SNX29: variants seen among roughly 807,000 people sequenced by gnomAD.
The protein encoded by SNX29 is sorting nexin-29.
In SNX29, 78 loss-of-function variants were observed where a neutral mutation model predicts 102.1. The observed-to-expected ratio is 0.76, with a 90% CI of 0.64 to 0.92. SNX29 has a LOEUF of 0.92. Ranked by LOEUF, SNX29 falls within the 40% of genes least tolerant of loss-of-function variation. The pLI, the probability that SNX29 is intolerant of heterozygous loss-of-function variation, is 0.00. For synonymous variants in SNX29, 580 were observed against 414.5 expected, an observed-to-expected ratio of 1.40 and a Z score of -4.85; for missense variants, 1,280 against 1,061.7, an observed-to-expected ratio of 1.21 and a Z score of -2.86.
At chr16:12,184,535 A>C (rs2076466506) in intron 13 of SNX29, among the ~76,000 whole-genome samples, 1 of 152,206 alleles carries the variant, frequency 6.6e-6, no homozygotes, top group Non-Finnish European at 1.5e-5. Context: ...CTTGTAAATA[A>C]ATGGCATCCA....
chr16:12,118,792 A>C (rs962887396), intron 11 of SNX29, among the ~76,000 whole-genome samples: 3 of 152,038 alleles, frequency 2.0e-5, no homozygotes, highest in Non-Finnish European at 2.9e-5. Flanking sequence ...GGATGCTCGG[A>C]CTGTCTGTGG....
intron 18 of SNX29, among the ~76,000 whole-genome samples, chr16:12,448,996 T>C (rs971641183): frequency 6.6e-6 from 1 of 152,166 alleles, no homozygotes; most frequent in Non-Finnish European, 1.5e-5. Flanking sequence ...CAGGTTTGCA[T>C]TGAGGAAGAA....
chr16:12,225,174 T>C (rs1181384825), intron 14 of SNX29, among the ~76,000 whole-genome samples: 1 of 152,220 alleles, frequency 6.6e-6, no homozygotes, highest in East Asian at 1.9e-4. Flanking sequence ...GCCTTTGATA[T>C]TATCTTTTGA....
intron 18 of SNX29, among the ~76,000 whole-genome samples, chr16:12,454,598 GAAGA>G (rs1455073361): frequency 1.3e-5 from 2 of 152,188 alleles, no homozygotes; most frequent in African/African-American, 2.4e-5. Flanking sequence ...AAAATAACCC[GAAGA>G]GAGAGGTGAG....
chr16:12,203,318 C>T (rs866629660), intron 14 of SNX29, among the ~76,000 whole-genome samples: 1 of 151,680 alleles, frequency 6.6e-6, no homozygotes, highest in Non-Finnish European at 1.5e-5. Context: ...GAGGTGACAG[C>T]TCTGAAGTTG....
In SNX29 at chr16:12,552,052, T is replaced by C. The variant is rs557356954; in HGVS notation, c.2319-16454T>C. On this transcript the variant is annotated intron_variant, in intron 20 of 20. Coordinates refer to ENST00000566228, the MANE Select transcript of SNX29 (RefSeq NM_032167.5). ...GTCCAGGCTCAGATGGGAAGGATTT[T>C]TGGGGCACTGAATCTCTGTCTCAAT... Among the ~76,000 whole-genome samples, 8 of 151,226 alleles carry C rather than the reference T, an allele frequency of 5.3e-5. No individual in the cohort carries two copies. The South Asian group carries it at 1.5e-3, about 28-fold the overall frequency.
At chr16:12,203,572 A>T (rs1043490724) in intron 14 of SNX29, among the ~76,000 whole-genome samples, 6 of 151,698 alleles carry the variant, frequency 4.0e-5, no homozygotes, top group Non-Finnish European at 8.8e-5. Flanking sequence ...GAAGTTGTGT[A>T]GTGTGGCCTT....
chr16:12,394,138 C>T (rs1056394909), intron 16 of SNX29, among the ~76,000 whole-genome samples: 1 of 152,174 alleles, frequency 6.6e-6, no homozygotes, highest in Admixed American at 6.5e-5. Flanking sequence ...AACCCCCAAG[C>T]TTTAAGGAGG....
At position 12,527,856 on chromosome 16, in the gene SNX29, G is replaced by C. The variant is rs141258481; in HGVS notation, c.2318+3015G>C. On this transcript the variant is annotated intron_variant, in intron 20 of 20. Coordinates refer to ENST00000566228, the MANE Select transcript of SNX29 (RefSeq NM_032167.5). Reference sequence around the variant, plus strand: ...TTTTTTTTTTTTGAGATGAAGTCTCGCTCTGTCGGCCAAACTGGAGTCCAG... The same window carrying C: ...TTTTTTTTTTTTGAGATGAAGTCTCCCTCTGTCGGCCAAACTGGAGTCCAG... 9.6e-3 allele frequency among the ~76,000 whole-genome samples: 1,347 copies of C among 140,176 alleles called. 21 individuals are homozygous for C. Among genetic ancestry groups the C allele is most frequent in the African/African-American group, 0.034 (1,260 of 37,176 alleles). 92.0% of individuals were successfully genotyped at this position (140,176 alleles called of 152,430 possible).
intron 11 of SNX29, among the ~76,000 whole-genome samples, chr16:12,104,642 C>T (rs943246382): frequency 2.0e-5 from 3 of 151,704 alleles, no homozygotes; most frequent in Non-Finnish European, 4.4e-5. Flanking sequence ...TTCTCCAGAT[C>T]TCCAGGATCA....
At chr16:12,084,168 G>A (rs970136383) in intron 11 of SNX29, among the ~76,000 whole-genome samples, 2 of 149,984 alleles carry the variant, frequency 1.3e-5, no homozygotes, top group African/African-American at 2.5e-5. Flanking sequence ...TTTTTGAGAC[G>A]GAGTGTTGCT....
chr16:12,351,566 A>G (rs2081993496), intron 15 of SNX29, among the ~76,000 whole-genome samples: 1 of 152,190 alleles, frequency 6.6e-6, no homozygotes, highest in Non-Finnish European at 1.5e-5. Flanking sequence ...ATATGAAAGG[A>G]AATGCCAGAG....
chr16:12,403,410 A>G (rs780529650), intron 17 of SNX29, 38 bp from the exon 18 acceptor site: 6 of 1,544,240 alleles, frequency 3.9e-6, no homozygotes, highest in Admixed American at 3.8e-5. Context: ...GTAAGTTAAA[A>G]TGTCTAATGT....
Position 12,129,666 on chromosome 16 carries a change from C to G in SNX29, c.1503C>G (p.His501Gln). 6.2e-7 allele frequency: 1 copy of G among 1,611,244 alleles called. No homozygotes were observed. Among genetic ancestry groups the G allele is most frequent in the Non-Finnish European group, 8.5e-7 (1 of 1,179,570 alleles). Reference sequence around the variant, plus strand: ...ACCTGCTCGACGGTGAGATGGAGCACTCAGCCGCGCTCCGGCAAGAGGTGG... The same window carrying G: ...ACCTGCTCGACGGTGAGATGGAGCAGTCAGCCGCGCTCCGGCAAGAGGTGG... The part of the protein sequence containing the change: ...LRNLLDGEME[H>Q]SAALRQEVDT... The change falls in exon 13 of 21, where the codon CAC (histidine) becomes CAG (glutamine). Residue 501 changes from histidine (H) to glutamine (Q), a missense_variant. Transcript: ENST00000566228.
chr16:12,090,700 C>G (rs1238552), intron 11 of SNX29, among the ~76,000 whole-genome samples: 1 of 152,132 alleles, frequency 6.6e-6, no homozygotes, highest in Non-Finnish European at 1.5e-5. Context: ...TGGGGCAATT[C>G]TAGATTTTCC....
At chr16:12,212,129 C>T (rs1020711172) in intron 14 of SNX29, among the ~76,000 whole-genome samples, 1 of 152,162 alleles carries the variant, frequency 6.6e-6, no homozygotes, top group East Asian at 1.9e-4. Flanking sequence ...CGAGCTAGCC[C>T]AGAGACGCCT....
chr16:12,555,201 G>T (rs1020385905), intron 20 of SNX29, among the ~76,000 whole-genome samples: 3 of 151,872 alleles, frequency 2.0e-5, no homozygotes, highest in Non-Finnish European at 4.4e-5. Context: ...ATGCAGACTG[G>T]ACTATGGGCA....
rs1209403676 is a variant in SNX29 at position 12,433,366 on chromosome 16, C to A, written c.2037+29837C>A. 2.6e-5 allele frequency among the ~76,000 whole-genome samples: 4 copies of A among 152,168 alleles called. No homozygotes were observed. In the South Asian group the frequency reaches 6.2e-4, roughly 24 times the overall value. Reference sequence around the variant, plus strand: ...TAACGATTGGCCGGGCGCAGTGGCTCACACTTGTCAGCCCAGCACTTTGGG... The same window carrying A: ...TAACGATTGGCCGGGCGCAGTGGCTAACACTTGTCAGCCCAGCACTTTGGG... On this transcript the variant is annotated intron_variant, in intron 18 of 20. Transcript: ENST00000566228.
chr16:12,514,752 C>G (rs1367795444), intron 19 of SNX29, among the ~76,000 whole-genome samples: 1 of 152,086 alleles, frequency 6.6e-6, no homozygotes, highest in Non-Finnish European at 1.5e-5. Context: ...GTAATCCCTC[C>G]TACTCGGGAG....
Sources: allele counts gnomAD v4.1 joint callset (sites outside exome capture counted in the v4.1 genomes callset), GRCh38; gene constraint gnomAD v4.1.1; transcripts MANE v1.5; gene names NCBI Gene and HGNC (gene_info 2026-07-23, HGNC 2026-07-21).